Variants in DDX10 observed in about 807,000 individuals in gnomAD.
The protein encoded by DDX10 is probable ATP-dependent RNA helicase DDX10.
DDX10 carries 74 observed loss-of-function variants against 104.3 expected under a neutral mutation model. The observed-to-expected ratio is 0.71, with a 90% CI of 0.59 to 0.86. The LOEUF (loss-of-function observed/expected upper bound fraction) is 0.86, where lower values mean the gene tolerates loss of function less well. Among genes scored for constraint, DDX10 ranks in the 40% least tolerant of loss-of-function variants. DDX10 has a pLI of 0.00. For synonymous variants in DDX10, 351 were observed against 353.4 expected, an observed-to-expected ratio of 0.99 and a Z score of 0.08; for missense variants, 952 against 1,040.0, an observed-to-expected ratio of 0.92 and a Z score of 1.16.
intron 10 of DDX10, among the ~76,000 whole-genome samples, chr11:108,713,069 C>T (rs761114361): frequency 1.2e-4 from 19 of 152,036 alleles, no homozygotes; most frequent in Non-Finnish European, 1.6e-4. Flanking sequence ...AGGTGCCCCC[C>T]GTCCACTTCT....
intron 13 of DDX10, among the ~76,000 whole-genome samples, chr11:108,785,481 CT>C: frequency 1.3e-5 from 2 of 152,236 alleles, no homozygotes; most frequent in Non-Finnish European, 1.5e-5. Context: ...AGGAGAAGCC[CT>C]TCCTCCTTGA....
intron 13 of DDX10, among the ~76,000 whole-genome samples, chr11:108,803,847 A>C (rs1285707561): frequency 6.6e-6 from 1 of 152,146 alleles, no homozygotes; most frequent in Non-Finnish European, 1.5e-5. Flanking sequence ...ATGTGTTAGA[A>C]ATGAGTACCT....
chr11:108,747,783 CACT>C (rs2094333649), intron 13 of DDX10, among the ~76,000 whole-genome samples: 1 of 152,020 alleles, frequency 6.6e-6, no homozygotes, highest in Admixed American at 6.6e-5. Context: ...AACATTTAAC[CACT>C]ACTATTAATG....
At chr11:108,920,450 A>G (rs538645258) in intron 17 of DDX10, 3 of 152,298 alleles carry the variant, frequency 2.0e-5, no homozygotes, top group African/African-American at 7.2e-5. Flanking sequence ...GAGGGATTTT[A>G]TTCCTGTAGC....
At chr11:108,844,226 C>G (rs1248731037) in intron 15 of DDX10, among the ~76,000 whole-genome samples, 2 of 151,862 alleles carry the variant, frequency 1.3e-5, no homozygotes, top group Non-Finnish European at 2.9e-5. Context: ...CAAGACATAC[C>G]TTCCAAATAG....
intron 16 of DDX10, among the ~76,000 whole-genome samples, chr11:108,902,747 A>C (rs187584163): frequency 1.3e-5 from 2 of 152,204 alleles, no homozygotes; most frequent in Admixed American, 1.3e-4. Context: ...TTAAGATGCT[A>C]TCTCTTCTTC....
rs775268367 is a variant in DDX10, at chr11:108,678,433, T to C, written c.656T>C (p.Leu219Ser). The C allele has an allele frequency of 1.3e-6, 2 of 1,581,268 alleles. No homozygotes were observed. Among genetic ancestry groups the C allele is most frequent in the African/African-American group, 2.7e-5 (2 of 73,048 alleles). The change falls in exon 5 of 18, where the codon TTA (leucine) becomes TCA (serine). Residue 219 changes from leucine to serine, a missense_variant and splice_region_variant. Physicochemically the swap from Leu to Ser is moderately radical, Grantham distance 145 (BLOSUM62 -2). This residue lies in a region of DDX10 where 412 missense variants were observed against 479.2 expected (regional missense o/e 0.86). Coordinates refer to ENST00000322536, the MANE Select transcript of DDX10 (RefSeq NM_004398.4). Reference sequence around the variant, plus strand: ...TTTCATGCTACCGACCTCCAAATGTTAGGTGAGTCAAATCAATTTCTAATT... The same window carrying C: ...TTTCATGCTACCGACCTCCAAATGTCAGGTGAGTCAAATCAATTTCTAATT... Reference protein sequence around the residue: ...VSFHATDLQMLVLDEADRILD... With the variant: ...VSFHATDLQMSVLDEADRILD...
At chr11:108,669,931 A>T (rs2094214918) in intron 1 of DDX10, among the ~76,000 whole-genome samples, 1 of 152,236 alleles carries the variant, frequency 6.6e-6, no homozygotes, top group Non-Finnish European at 1.5e-5. Context: ...GAGTCATCAG[A>T]AAATAACGCA....
chr11:108,724,408 G>C (rs777394966), intron 13 of DDX10, among the ~76,000 whole-genome samples: 5 of 151,922 alleles, frequency 3.3e-5, no homozygotes, highest in Non-Finnish European at 7.4e-5. Context: ...CATTATACAG[G>C]TGACGGAAAA....
chr11:108,838,369 A>G lies in DDX10; in HGVS notation c.1966-77A>G. On this transcript the variant is annotated intron_variant, in intron 13 of 17. Coordinates refer to ENST00000322536, the MANE Select transcript of DDX10 (RefSeq NM_004398.4). ...ATAAATGTACCCAGTTTTGAGAAGT[A>G]TATTGCCAGAGTTGGATTGTTAATA... 5 of 1,474,770 alleles carry G rather than the reference A, an allele frequency of 3.4e-6. No individual in the cohort carries two copies. In the South Asian group the frequency reaches 5.3e-5, roughly 16 times the overall value. The allele number at this position is 1,474,770 out of a possible 1,614,324, so 91.4% of individuals were successfully genotyped here.
At chr11:108,893,174 A>C (rs1863398331) in intron 16 of DDX10, among the ~76,000 whole-genome samples, 1 of 152,176 alleles carries the variant, frequency 6.6e-6, no homozygotes. Context: ...ATGACAGTTC[A>C]TTAACATGTA....
At chr11:108,749,752 A>G (rs1279549532) in intron 13 of DDX10, among the ~76,000 whole-genome samples, 1 of 152,194 alleles carries the variant, frequency 6.6e-6, no homozygotes, top group Non-Finnish European at 1.5e-5. Flanking sequence ...AATTTTAACT[A>G]GCTGTTTATT....
intron 6 of DDX10, among the ~76,000 whole-genome samples, chr11:108,684,037 T>C (rs572791529): frequency 1.3e-5 from 2 of 151,994 alleles, no homozygotes; most frequent in Admixed American, 1.3e-4. Context: ...CAAACTTCGC[T>C]AGTAGATGCT....
At chr11:108,707,028 C>A (rs1379505870) in intron 10 of DDX10, among the ~76,000 whole-genome samples, 191 bp downstream of exon 10, 3 of 152,132 alleles carry the variant, frequency 2.0e-5, no homozygotes, top group African/African-American at 7.2e-5. Flanking sequence ...TTCTCATATA[C>A]CCCATTCCCC....
intron 9 of DDX10, among the ~76,000 whole-genome samples, chr11:108,700,812 A>G (rs1217844583): frequency 6.6e-6 from 1 of 151,958 alleles, no homozygotes; most frequent in African/African-American, 2.4e-5. Context: ...TTTAGGTAGC[A>G]GTACCACTTT....
At chr11:108,875,955 T>C (rs770645102) in intron 16 of DDX10, among the ~76,000 whole-genome samples, 4 of 152,192 alleles carry the variant, frequency 2.6e-5, no homozygotes, top group Admixed American at 6.5e-5. Context: ...AAGGTCGTTA[T>C]GTACACTAGA....
chr11:108,769,331 C>T (rs1302988098), intron 13 of DDX10, among the ~76,000 whole-genome samples: 1 of 151,634 alleles, frequency 6.6e-6, no homozygotes, highest in Non-Finnish European at 1.5e-5. Flanking sequence ...TCTAGTTCAT[C>T]TCTGATGTCT....
intron 13 of DDX10, among the ~76,000 whole-genome samples, chr11:108,762,411 A>C (rs1350514738): frequency 6.6e-6 from 1 of 152,206 alleles, no homozygotes; most frequent in African/African-American, 2.4e-5. Context: ...ATAATAAATA[A>C]ATCCTTTTCC....
intron 2 of DDX10, 101 bp downstream of exon 2, chr11:108,673,628 C>T (rs770527508): frequency 1.2e-5 from 10 of 818,064 alleles, no homozygotes; most frequent in East Asian, 2.6e-5. Context: ...CTTATTTTGG[C>T]AAATTTTGAT....
Sources: gnomAD v4.1 joint callset for allele counts (sites outside exome capture counted in the v4.1 genomes callset) on GRCh38, gnomAD v4.1.1 for gene constraint, gnomAD v4.1.1 regional missense constraint, MANE v1.5 for transcripts, NCBI Gene and HGNC (gene_info 2026-07-23, HGNC 2026-07-21) for gene names.